The following SPSB1 variants were observed in gnomAD, a reference collection of about 807,000 sequenced individuals.
The protein encoded by SPSB1 is splA/ryanodine receptor domain and SOCS box containing 1.
SPSB1 carries 8 observed loss-of-function variants against 21.2 expected under a neutral mutation model. That is an observed-to-expected ratio of 0.38 (90% CI 0.22 to 0.68). SPSB1 has a LOEUF of 0.68. Ranked by LOEUF, SPSB1 falls within the 30% of genes least tolerant of loss-of-function variation. The pLI is 0.53. For missense variants in SPSB1, 242 were observed against 377.8 expected (o/e 0.64, Z 2.98); for synonymous variants, 169 against 161.7 (o/e 1.05, Z -0.34).
chr1:9,295,233 TGTGTGTGTGC>T (rs879325596), intron 1 of SPSB1, among the ~76,000 whole-genome samples: 18,733 of 150,290 alleles, frequency 0.12, 1,510 homozygotes, highest in Middle Eastern at 0.22. Context: ...TGTGTGTGTG[TGTGTGTGTGC>T]GCGCGTGCGG....
chr1:9,334,694 AC>A (rs1481175464), intron 1 of SPSB1, among the ~76,000 whole-genome samples: 1 of 151,290 alleles, frequency 6.6e-6, no homozygotes, highest in Non-Finnish European at 1.5e-5. Context: ...CCTGGCACTG[AC>A]CCCCCATTCC....
chr1:9,333,812 C>T (rs1430316391), intron 1 of SPSB1, among the ~76,000 whole-genome samples: 9 of 152,194 alleles, frequency 5.9e-5, no homozygotes, highest in African/African-American at 1.7e-4. Context: ...CAACATTCTC[C>T]CTCTGCCCAG....
intron 1 of SPSB1, among the ~76,000 whole-genome samples, chr1:9,294,244 CTCTT>C: frequency 6.8e-6 from 1 of 147,894 alleles, no homozygotes; most frequent in East Asian, 2.0e-4. Context: ...GTCTTTGTGT[CTCTT>C]TGTGTGTCCA....
At chr1:9,330,888 G>C (rs1209254000) in intron 1 of SPSB1, among the ~76,000 whole-genome samples, 1 of 151,914 alleles carries the variant, frequency 6.6e-6, no homozygotes, top group East Asian at 1.9e-4. Context: ...GATACCCAAG[G>C]GTTCCGGTTT....
intron 1 of SPSB1, among the ~76,000 whole-genome samples, chr1:9,326,232 G>A (rs1044136436): frequency 6.6e-6 from 1 of 152,114 alleles, no homozygotes; most frequent in Non-Finnish European, 1.5e-5. Flanking sequence ...ACCAGCCCCT[G>A]GGACCCTTTC....
rs539982602 is a variant in SPSB1, at chr1:9,306,260, G to A, written c.-150+13189G>A. Among the ~76,000 whole-genome samples, 8 of 152,338 alleles carry A rather than the reference G, an allele frequency of 5.3e-5. No individual in the cohort carries two copies. In the South Asian group the frequency reaches 1.7e-3, roughly 32 times the overall value. On this transcript the variant is annotated intron_variant, in intron 1 of 2. Transcript: ENST00000328089. ...GGCCGAGCTCTGGGCCTTCCTAGCCGCGTCCTGCAGCAGTCGGCTTTTCTG... is the reference window on the plus strand; with the variant it reads ...GGCCGAGCTCTGGGCCTTCCTAGCCACGTCCTGCAGCAGTCGGCTTTTCTG...
chr1:9,344,823 C>T (rs1193635305), intron 1 of SPSB1, among the ~76,000 whole-genome samples: 1 of 152,032 alleles, frequency 6.6e-6, no homozygotes, highest in Non-Finnish European at 1.5e-5. Context: ...CAGATCCCTT[C>T]CCCGGTCCTT....
intron 1 of SPSB1, among the ~76,000 whole-genome samples, chr1:9,342,531 T>A (rs540021920): frequency 6.6e-5 from 10 of 152,244 alleles, no homozygotes; most frequent in African/African-American, 2.2e-4. Context: ...ACCTGCTCAG[T>A]GAGAAAGTAG....
At position 9,356,937 on chromosome 1, in the gene SPSB1, T is replaced by C. The variant is rs569768755; in HGVS notation, c.694+352T>C. On this transcript the variant is annotated intron_variant, in intron 2 of 2. Transcript: ENST00000328089. This position sits in a 1 kb window ranked among gnomAD's most constrained non-coding sequence, Gnocchi z 7.4. ...ATGAATTGATGGATGAATGTTTGGA[T>C]TGATAGATAAGTGGTTGAACAAACA... Among the ~76,000 whole-genome samples the C allele has an allele frequency of 7.9e-5, 12 of 150,978 alleles. No individual in the cohort carries two copies. Among genetic ancestry groups the C allele is most frequent in the African/African-American group, 3.0e-4 (12 of 40,412 alleles).
Position 9,302,000 on chromosome 1 carries a change from T to G in SPSB1, c.-150+8929T>G, listed in dbSNP as rs897022839. Among the ~76,000 whole-genome samples, 20 of 152,360 alleles carry G rather than the reference T, an allele frequency of 1.3e-4. No individual in the cohort carries two copies. The East Asian group carries it at 2.5e-3, about 19-fold the overall frequency. Reference sequence around the variant, plus strand: ...TTGATTGACAGAACACCTTTCCCACTGTCACGCTGTCCGTGTAGCACTGCT... The same window carrying G: ...TTGATTGACAGAACACCTTTCCCACGGTCACGCTGTCCGTGTAGCACTGCT... On this transcript the variant is annotated intron_variant, in intron 1 of 2. Coordinates refer to ENST00000328089, the MANE Select transcript of SPSB1 (RefSeq NM_025106.4).
chr1:9,331,231 T>C (rs533734877), intron 1 of SPSB1, among the ~76,000 whole-genome samples: 1 of 151,606 alleles, frequency 6.6e-6, no homozygotes, highest in East Asian at 1.9e-4. Flanking sequence ...CCTTTGTCAA[T>C]GACTGTGCAC....
At chr1:9,299,956 C>T (rs563864060) in intron 1 of SPSB1, among the ~76,000 whole-genome samples, 3 of 137,098 alleles carry the variant, frequency 2.2e-5, no homozygotes, top group Non-Finnish European at 4.6e-5. Flanking sequence ...AGAGTAAGAC[C>T]CTGTCTCAAA....
chr1:9,297,412 C>T (rs755893839), intron 1 of SPSB1, among the ~76,000 whole-genome samples: 2 of 152,098 alleles, frequency 1.3e-5, no homozygotes, highest in Non-Finnish European at 2.9e-5. Context: ...TGTGAACACA[C>T]CTTGCCAGAC....
chr1:9,345,202 C>G lies in SPSB1; in HGVS notation c.-149-10541C>G, dbSNP rs1054560321. On this transcript the variant is annotated intron_variant, in intron 1 of 2. Transcript: ENST00000328089. This position sits in a 1 kb window ranked among gnomAD's most constrained non-coding sequence, Gnocchi z 4.8. ...CCCACCTGATCCACCCTGCCTCAAGCCCCCGTCTCCTGCCTTCTGGGGAGC... is the reference window on the plus strand; with the variant it reads ...CCCACCTGATCCACCCTGCCTCAAGGCCCCGTCTCCTGCCTTCTGGGGAGC... Among the ~76,000 whole-genome samples the G allele has an allele frequency of 6.6e-6, 1 of 152,154 alleles. No individual in the cohort carries two copies. Among genetic ancestry groups the G allele is most frequent in the African/African-American group, 2.4e-5 (1 of 41,410 alleles).
At chr1:9,359,508 C>T (rs963126738) in intron 2 of SPSB1, among the ~76,000 whole-genome samples, 1 of 151,972 alleles carries the variant, frequency 6.6e-6, no homozygotes, top group Non-Finnish European at 1.5e-5. Context: ...TGGAGACCAG[C>T]CTGGCCAACA....
intron 1 of SPSB1, among the ~76,000 whole-genome samples, chr1:9,344,902 T>C (rs1640146360): frequency 6.6e-6 from 1 of 152,060 alleles, no homozygotes; most frequent in Non-Finnish European, 1.5e-5. Context: ...CTCCCAGAGG[T>C]GACCTTTGCC....
intron 1 of SPSB1, among the ~76,000 whole-genome samples, chr1:9,335,541 G>C (rs1250634801): frequency 6.6e-6 from 1 of 151,352 alleles, no homozygotes; most frequent in Non-Finnish European, 1.5e-5. Context: ...GGGTGCAGTG[G>C]CTCACGCCTG....
intron 1 of SPSB1, among the ~76,000 whole-genome samples, chr1:9,310,388 G>A (rs1463757604): frequency 1.3e-5 from 2 of 152,164 alleles, no homozygotes; most frequent in African/African-American, 2.4e-5. Context: ...ATGAGCTCCT[G>A]GATAGATCAA....
chr1:9,300,678 G>A (rs1041074780), intron 1 of SPSB1, among the ~76,000 whole-genome samples: 2 of 152,178 alleles, frequency 1.3e-5, no homozygotes, highest in African/African-American at 2.4e-5. Flanking sequence ...TGATCTGACC[G>A]ACCAAACCAG....
Sources: allele counts gnomAD v4.1 joint callset (sites outside exome capture counted in the v4.1 genomes callset), GRCh38; gene constraint gnomAD v4.1.1; non-coding constraint Gnocchi (gnomAD v3.1); transcripts MANE v1.5; gene names NCBI Gene and HGNC (gene_info 2026-07-23, HGNC 2026-07-21).